WDPCP: variants seen among roughly 807,000 people sequenced by gnomAD.
WDPCP encodes WD repeat containing planar cell polarity effector.
Under a neutral mutation model 93.1 loss-of-function variants are expected in WDPCP, and 71 were observed. That is an observed-to-expected ratio of 0.76 (90% CI 0.63 to 0.93). The LOEUF (loss-of-function observed/expected upper bound fraction) is 0.93. Ranked by LOEUF, WDPCP falls within the 40% of genes least tolerant of loss-of-function variation. The pLI, the probability that WDPCP is intolerant of heterozygous loss-of-function variation, is 0.00. For synonymous variants in WDPCP, 315 were observed against 315.0 expected (o/e 1.00, Z 0.00); for missense variants, 844 against 887.4 (o/e 0.95, Z 0.62).
intron 13 of WDPCP, among the ~76,000 whole-genome samples, chr2:63,284,775 G>T (rs761600122): frequency 5.3e-5 from 8 of 152,114 alleles, no homozygotes; most frequent in African/African-American, 1.9e-4. Context: ...AAAATGAATT[G>T]TTTATTTTTG....
intron 12 of WDPCP, among the ~76,000 whole-genome samples, chr2:63,343,948 G>A (rs1315925781): frequency 2.0e-5 from 3 of 151,880 alleles, no homozygotes; most frequent in African/African-American, 7.3e-5. Flanking sequence ...ACTGTCCATG[G>A]TTTCCTTTAG....
rs377217403 is a variant in WDPCP at position 63,161,591 on chromosome 2, T to A, written c.2079-8017A>T. On this transcript the variant is annotated intron_variant, in intron 15 of 17. Coordinates refer to ENST00000272321, the MANE Select transcript of WDPCP (RefSeq NM_015910.7). ...TCTGAGAATAACTGCTTTCAGAAAA[T>A]AAAACAAAAAAAGCCCCTTAAAGTG... Among the ~76,000 whole-genome samples the A allele has an allele frequency of 7.9e-5, 12 of 151,750 alleles. No individual in the cohort carries two copies. In the East Asian group the frequency reaches 1.2e-3, roughly 15 times the overall value.
At chr2:63,569,937 G>A (rs971963465) in intron 1 of WDPCP, among the ~76,000 whole-genome samples, 3 of 152,164 alleles carry the variant, frequency 2.0e-5, no homozygotes, top group African/African-American at 4.8e-5. Context: ...CCTATATATA[G>A]TTAAAATCAC....
chr2:63,604,874 T>A, intron 3 of WDPCP: 1 of 1,613,786 alleles, frequency 6.2e-7, no homozygotes, highest in Non-Finnish European at 8.5e-7. Context: ...TTTGTCACGG[T>A]AAGAAAAATC....
chr2:63,286,480 C>G (rs1019755163), intron 13 of WDPCP, among the ~76,000 whole-genome samples: 6 of 152,102 alleles, frequency 3.9e-5, no homozygotes, highest in African/African-American at 1.4e-4. Context: ...TGAGATCCAC[C>G]CCCTGCCCCC....
At chr2:63,172,906 A>T (rs1201340729) in intron 15 of WDPCP, among the ~76,000 whole-genome samples, 2 of 152,114 alleles carry the variant, frequency 1.3e-5, no homozygotes, top group African/African-American at 4.8e-5. Context: ...GGAAGAAAGA[A>T]GCATAAGGAG....
chr2:63,696,159 G>T (rs1337493285), intron 2 of WDPCP, among the ~76,000 whole-genome samples: 4 of 152,118 alleles, frequency 2.6e-5, no homozygotes, highest in Non-Finnish European at 4.4e-5. Context: ...TCCAGAATGT[G>T]GTCAGGTTAT....
chr2:63,700,769 A>G (rs561620423), intron 2 of WDPCP, among the ~76,000 whole-genome samples: 2 of 152,310 alleles, frequency 1.3e-5, no homozygotes, highest in South Asian at 4.1e-4. Flanking sequence ...TACAATGGGG[A>G]AAGAACAGGC....
intron 14 of WDPCP, among the ~76,000 whole-genome samples, chr2:63,205,250 T>C (rs1378911463): frequency 6.6e-6 from 1 of 152,182 alleles, no homozygotes; most frequent in Non-Finnish European, 1.5e-5. Flanking sequence ...TATAGCTCTG[T>C]AGTATAATTT....
intron 14 of WDPCP, among the ~76,000 whole-genome samples, chr2:63,213,561 G>A (rs1559209525): frequency 2.0e-5 from 3 of 152,026 alleles, no homozygotes; most frequent in African/African-American, 4.8e-5. Context: ...ACAATTAAAC[G>A]AACTAGAGAA....
intron 2 of WDPCP, among the ~76,000 whole-genome samples, chr2:63,706,406 T>G (rs1424384106): frequency 6.6e-6 from 1 of 152,208 alleles, no homozygotes; most frequent in Admixed American, 6.5e-5. Context: ...GTCTTTACAA[T>G]TTGGCATGAT....
intron 1 of WDPCP, among the ~76,000 whole-genome samples, chr2:63,548,519 T>C (rs1705323379): frequency 6.6e-6 from 1 of 152,146 alleles, no homozygotes; most frequent in African/African-American, 2.4e-5. Context: ...TCTGTCACAA[T>C]TGGCATGTAG....
intron 3 of WDPCP, among the ~76,000 whole-genome samples, chr2:63,624,408 G>C (rs960649230): frequency 6.6e-6 from 1 of 151,960 alleles, no homozygotes; most frequent in Non-Finnish European, 1.5e-5. Context: ...TTTTTGAAAA[G>C]ATTAACAAAA....
At chr2:63,423,335 A>G (rs1360194190) in intron 9 of WDPCP, among the ~76,000 whole-genome samples, 1 of 152,200 alleles carries the variant, frequency 6.6e-6, no homozygotes, top group African/African-American at 2.4e-5. Context: ...TTGCCTTTAC[A>G]GTTGGATGCA....
At chr2:63,805,992 C>T (rs1177979515) in intron 2 of WDPCP, among the ~76,000 whole-genome samples, 3 of 152,048 alleles carry the variant, frequency 2.0e-5, no homozygotes, top group Non-Finnish European at 2.9e-5. Flanking sequence ...TGGTGGTGAG[C>T]ACCTGTAGTC....
intron 1 of WDPCP, among the ~76,000 whole-genome samples, chr2:63,547,764 G>A (rs1705262636): frequency 6.6e-6 from 1 of 150,950 alleles, no homozygotes; most frequent in South Asian, 2.1e-4. Flanking sequence ...AAAAAAAGGT[G>A]GCTCTCATGA....
At chr2:63,573,022 G>C (rs1707645822) in intron 1 of WDPCP, among the ~76,000 whole-genome samples, 1 of 152,046 alleles carries the variant, frequency 6.6e-6, no homozygotes, top group South Asian at 2.1e-4. Flanking sequence ...CAAGGCAGGA[G>C]GACTGACTGG....
At chr2:63,586,568 C>T (rs1708857654) in intron 1 of WDPCP, among the ~76,000 whole-genome samples, 1 of 152,100 alleles carries the variant, frequency 6.6e-6, no homozygotes, top group South Asian at 2.1e-4. Context: ...GCTGATATAC[C>T]CACCTTACCA....
chr2:63,709,280 A>C (rs116442899), intron 2 of WDPCP, among the ~76,000 whole-genome samples: 27,549 of 151,736 alleles, frequency 0.18, 2,746 homozygotes, highest in Middle Eastern at 0.27. Context: ...TTGCCCCTGC[A>C]CTCTAGCCTG....
Sources: allele counts gnomAD v4.1 joint callset (sites outside exome capture counted in the v4.1 genomes callset), GRCh38; gene constraint gnomAD v4.1.1; transcripts MANE v1.5; gene names NCBI Gene and HGNC (gene_info 2026-07-23, HGNC 2026-07-21).